Variants in USP3 observed in about 807,000 individuals in gnomAD.
USP3 encodes ubiquitin specific peptidase 3.
USP3 carries 20 observed loss-of-function variants against 72.3 expected under a neutral mutation model. The observed-to-expected ratio is 0.28, with a 90% CI of 0.19 to 0.40. The LOEUF (loss-of-function observed/expected upper bound fraction) is 0.40. Among genes scored for constraint, USP3 ranks in the 10% least tolerant of loss-of-function variants. The pLI, the probability that USP3 is intolerant of heterozygous loss-of-function variation, is 1.00. For synonymous variants in USP3, 222 were observed against 225.3 expected, an observed-to-expected ratio of 0.99 and a Z score of 0.13; for missense variants, 479 against 633.9, an observed-to-expected ratio of 0.76 and a Z score of 2.62.
chr15:63,549,910 A>G (rs1239941020), intron 3 of USP3, among the ~76,000 whole-genome samples: 1 of 152,234 alleles, frequency 6.6e-6, no homozygotes, highest in African/African-American at 2.4e-5. Flanking sequence ...CAAGCAACCA[A>G]CATTAGCTAA....
chr15:63,509,353 A>G (rs765025463), intron 1 of USP3, among the ~76,000 whole-genome samples: 18 of 152,176 alleles, frequency 1.2e-4, no homozygotes, highest in Non-Finnish European at 2.5e-4. Flanking sequence ...CAGGGTCTTT[A>G]TGTTGAAAAT....
At chr15:63,531,711 A>G (rs911505219) in intron 1 of USP3, among the ~76,000 whole-genome samples, 2 of 152,170 alleles carry the variant, frequency 1.3e-5, no homozygotes, top group East Asian at 1.9e-4. Context: ...CTCTTCCACA[A>G]ATATTTATTG....
intron 11 of USP3, among the ~76,000 whole-genome samples, chr15:63,584,092 G>GTTTTTTTTTTTTTTTTT (rs61574200): frequency 1.2e-5 from 1 of 85,598 alleles, no homozygotes; most frequent in Non-Finnish European, 2.2e-5. Context: ...CAACGGTTTT[G>GTTTTTTTTTTTTTTTTT]TTTTTTTTTT....
intron 1 of USP3, among the ~76,000 whole-genome samples, chr15:63,507,060 AGTC>A (rs2065723043): frequency 6.6e-6 from 1 of 152,068 alleles, no homozygotes; most frequent in African/African-American, 2.4e-5. Flanking sequence ...AGTGTTATAT[AGTC>A]GTATTTTTTT....
rs1488816174 is a variant in USP3, at chr15:63,547,760, GGGAGAGAGAGAGAGAGA to G, written c.285-5953_285-5937del. Among the ~76,000 whole-genome samples the G allele has an allele frequency of 5.4e-4, 8 of 14,840 alleles. 1 individual carries two copies. The highest frequency in any genetic ancestry group is 1.8e-3 in the African/African-American group (7 of 3,858). The allele number at this position is 14,840 out of a possible 152,430, so 9.7% of individuals were successfully genotyped here. ...AGAGAGAGAGGGAGGGAGGGAGGGAGGGAGAGAGAGAGAGAGAGAGAGAGAGAGAGAGAGAGAGAGGC... is the reference window on the plus strand; with the variant it reads ...AGAGAGAGAGGGAGGGAGGGAGGGAGGAGAGAGAGAGAGAGAGAGAGAGGC... On this transcript the variant is annotated intron_variant, in intron 3 of 14. Transcript: ENST00000380324.
rs1202483447 is a variant in USP3, at chr15:63,574,832, A to C, written c.1096+429A>C. On this transcript the variant is annotated intron_variant, in intron 11 of 14. Transcript: ENST00000380324. This position sits in a 1 kb window ranked among gnomAD's most constrained non-coding sequence, Gnocchi z 4.6. ...ATGATACAACTGCTGCTTAAGCCTGAGGCCCTGCTTTTAAGACTGTTAAAA... is the reference window on the plus strand; with the variant it reads ...ATGATACAACTGCTGCTTAAGCCTGCGGCCCTGCTTTTAAGACTGTTAAAA... 1.3e-5 allele frequency among the ~76,000 whole-genome samples: 2 copies of C among 152,248 alleles called. No homozygotes were observed. Among genetic ancestry groups the C allele is most frequent in the African/African-American group, 2.4e-5 (1 of 41,472 alleles).
rs58350832 is a variant in USP3 at position 63,585,800 on chromosome 15, A to ATTT, written c.1097-2491_1097-2489dup. Among the ~76,000 whole-genome samples, 747 of 135,690 alleles carry ATTT rather than the reference A, an allele frequency of 5.5e-3. 12 individuals are homozygous for ATTT. Among genetic ancestry groups the ATTT allele is most frequent in the African/African-American group, 0.019 (705 of 36,272 alleles). 89.0% of individuals were successfully genotyped at this position (135,690 alleles called of 152,430 possible). On this transcript the variant is annotated intron_variant, in intron 11 of 14. Transcript: ENST00000380324. ...GAGGGTATAAAAGTCTGTGTCTAGAATTTTTTTTTTTTTTTTGGCATGTGA... is the reference window on the plus strand; with the variant it reads ...GAGGGTATAAAAGTCTGTGTCTAGAATTTTTTTTTTTTTTTTTTTGGCATGTGA...
At chr15:63,569,843 T>C (rs2066751186) in intron 8 of USP3, among the ~76,000 whole-genome samples, 2 of 152,222 alleles carry the variant, frequency 1.3e-5, no homozygotes. Context: ...AGCATAACTG[T>C]ATATGAGCCA....
In USP3 at chr15:63,594,447, CTA is replaced by C; in HGVS notation, c.*3622_*3623del. The C allele has an allele frequency of 6.6e-6, 1 of 152,334 alleles. No homozygotes were observed. Among genetic ancestry groups the C allele is most frequent in the South Asian group, 2.1e-4 (1 of 4,818 alleles). 9.4% of individuals were successfully genotyped at this position (152,334 alleles called of 1,614,324 possible). A position where few individuals can be genotyped will look rare whatever the true frequency, so the allele number is the denominator to read the frequency against. ...CCCTCAGGTGTGAGCGTGATGGACT[CTA>C]GACTGCCTTCCATGAGTGTTGGTCA... On this transcript the variant is annotated 3_prime_UTR_variant, in exon 15 of 15. Transcript: ENST00000380324.
rs201842716 is a variant in USP3, at chr15:63,544,044, TAAAA to T, written c.284+6900_284+6903del. 7.5e-6 allele frequency among the ~76,000 whole-genome samples: 1 copy of T among 134,150 alleles called. No homozygotes were observed. 88.0% of individuals were successfully genotyped at this position (134,150 alleles called of 152,430 possible). ...GGGCAACACAGGGAGACACTGTCTT[TAAAA>T]AAAAAAAAAAAGGAAATTAGTTTAA... On this transcript the variant is annotated intron_variant, in intron 3 of 14. Coordinates refer to ENST00000380324, the MANE Select transcript of USP3 (RefSeq NM_006537.4). This position sits in a 1 kb window ranked among gnomAD's most constrained non-coding sequence, Gnocchi z 4.2.
In USP3 at chr15:63,588,077, C is replaced by G; in HGVS notation, c.1097-228C>G. The G allele has an allele frequency of 2.6e-6, 1 of 378,502 alleles. No individual in the cohort carries two copies. Among genetic ancestry groups the G allele is most frequent in the Non-Finnish European group, 4.7e-6 (1 of 211,542 alleles). The allele number at this position is 378,502 out of a possible 1,614,324, so 23.4% of individuals were successfully genotyped here. ...TAAAACCAACACAATTGATCATCAC[C>G]AGATGTCAGGCATGATGCCAGGTGC... is the stretch of plus-strand genomic sequence containing the variant. On this transcript the variant is annotated intron_variant, in intron 11 of 14. Transcript: ENST00000380324. The surrounding 1 kb of genome is among the most constrained non-coding windows in gnomAD (Gnocchi z 4.6).
intron 11 of USP3, among the ~76,000 whole-genome samples, chr15:63,579,889 G>A (rs1023161661): frequency 2.6e-5 from 4 of 152,170 alleles, no homozygotes; most frequent in African/African-American, 9.7e-5. Context: ...GGTGAAAAGG[G>A]TAAAGATGGA....
At chr15:63,533,656 G>C in intron 2 of USP3, 1 of 270,642 alleles carries the variant, frequency 3.7e-6, no homozygotes, top group East Asian at 1.1e-4. Flanking sequence ...TGCATGAAGA[G>C]AGCATCTTTC....
chr15:63,521,820 G>A (rs2065924563), intron 1 of USP3, among the ~76,000 whole-genome samples: 1 of 152,122 alleles, frequency 6.6e-6, no homozygotes. Flanking sequence ...ATTATACATG[G>A]GATAGAAATA....
intron 1 of USP3, among the ~76,000 whole-genome samples, chr15:63,521,143 CT>C (rs57191228): frequency 4.2e-4 from 58 of 137,416 alleles, no homozygotes; most frequent in East Asian, 3.6e-3. Context: ...TTCTTTTGGA[CT>C]TTTTTTTTTT....
chr15:63,587,415 G>GT (rs1230217231), intron 11 of USP3, among the ~76,000 whole-genome samples: 92 of 152,018 alleles, frequency 6.1e-4, no homozygotes, highest in Admixed American at 1.9e-3. Flanking sequence ...AGTAAATACA[G>GT]TAAGTCTTCA....
intron 11 of USP3, among the ~76,000 whole-genome samples, chr15:63,577,683 CAG>C (rs1389497319): frequency 3.3e-5 from 5 of 152,172 alleles, no homozygotes; most frequent in Non-Finnish European, 7.4e-5. Flanking sequence ...ACCAGGGAGT[CAG>C]AGGTTGCAGT....
chr15:63,588,058 C>A lies in USP3; in HGVS notation c.1097-247C>A, dbSNP rs1244479585. 6.1e-6 allele frequency: 2 copies of A among 326,848 alleles called. No homozygotes were observed. The highest frequency in any genetic ancestry group is 8.3e-5 in the South Asian group (1 of 12,074). 20.2% of individuals were successfully genotyped at this position (326,848 alleles called of 1,614,324 possible). On this transcript the variant is annotated intron_variant, in intron 11 of 14. Coordinates refer to ENST00000380324, the MANE Select transcript of USP3 (RefSeq NM_006537.4). The surrounding 1 kb of genome is among the most constrained non-coding windows in gnomAD (Gnocchi z 4.6). Reference sequence around the variant, plus strand: ...GATGAATTATCATTAATAGTAAAACCAACACAATTGATCATCACCAGATGT... The same window carrying A: ...GATGAATTATCATTAATAGTAAAACAAACACAATTGATCATCACCAGATGT...
At chr15:63,557,367 A>G (rs1458179108) in intron 5 of USP3, among the ~76,000 whole-genome samples, 3 of 152,062 alleles carry the variant, frequency 2.0e-5, no homozygotes, top group East Asian at 1.9e-4. Flanking sequence ...GGTTCAAGCA[A>G]TTCTCCTGCC....
Sources: gnomAD v4.1 joint callset for allele counts (sites outside exome capture counted in the v4.1 genomes callset) on GRCh38, gnomAD v4.1.1 for gene constraint, Gnocchi (gnomAD v3.1) non-coding constraint, MANE v1.5 for transcripts, NCBI Gene and HGNC (gene_info 2026-07-23, HGNC 2026-07-21) for gene names.